SEMA3E: variants seen among roughly 807,000 people sequenced by gnomAD.
SEMA3E encodes semaphorin 3E.
In SEMA3E, 49 loss-of-function variants were observed where a neutral mutation model predicts 93.6. The observed-to-expected ratio is 0.52, with a 90% CI of 0.42 to 0.66. SEMA3E has a LOEUF of 0.66. SEMA3E is among the 30% of genes least tolerant of loss of function. The probability of loss-of-function intolerance (pLI) is 0.00; values close to 1 mark genes in which losing one functional copy is unlikely to be tolerated. For synonymous variants in SEMA3E, 363 were observed against 330.7 expected (o/e 1.10, Z -1.06); for missense variants, 906 against 964.8 (o/e 0.94, Z 0.81).
chr7:83,487,581 G>C (rs529158077), intron 2 of SEMA3E, among the ~76,000 whole-genome samples: 1 of 151,574 alleles, frequency 6.6e-6, no homozygotes, highest in Non-Finnish European at 1.5e-5. Context: ...AGAGAGAGAA[G>C]AAAAAGAAAG....
intron 3 of SEMA3E, among the ~76,000 whole-genome samples, chr7:83,468,842 AC>A (rs1171054370): frequency 5.3e-5 from 8 of 152,194 alleles, no homozygotes; most frequent in African/African-American, 1.9e-4. Context: ...CCTCTCTCAA[AC>A]TTTTTGTTTC....
chr7:83,617,704 T>G (rs1020567755), intron 1 of SEMA3E, among the ~76,000 whole-genome samples: 2 of 149,722 alleles, frequency 1.3e-5, no homozygotes, highest in Non-Finnish European at 3.0e-5. Flanking sequence ...GAGGAAATTG[T>G]AAATCACTGT....
intron 1 of SEMA3E, among the ~76,000 whole-genome samples, chr7:83,645,887 T>C (rs1794073458): frequency 6.6e-6 from 1 of 151,984 alleles, no homozygotes; most frequent in Admixed American, 6.6e-5. Flanking sequence ...TCTGAACATA[T>C]TTTTATATAA....
intron 2 of SEMA3E, among the ~76,000 whole-genome samples, chr7:83,470,683 A>G (rs1404059337): frequency 6.6e-6 from 1 of 152,044 alleles, no homozygotes; most frequent in Non-Finnish European, 1.5e-5. Flanking sequence ...AGTGTATACT[A>G]TTGCTTTTTG....
chr7:83,400,236 T>C lies in SEMA3E; in HGVS notation c.1158A>G (p.Val386=). 1 of 1,614,016 alleles carries C rather than the reference T, an allele frequency of 6.2e-7. No homozygotes were observed. The highest frequency in any genetic ancestry group is 1.1e-5 in the South Asian group (1 of 91,078). The change falls in exon 11 of 17, where the codon GTA becomes GTG. Residue 386 remains valine, a synonymous_variant. Transcript: ENST00000643230. ...TGGTGGTTCCGTATCTCCCTCCATT[T>C]ACTTTGCTGGCACACTGAAAAACAA... ...YPRPGSCASK[V]NGGRYGTTKD... is the part of the protein sequence containing the mutation.
chr7:83,600,889 T>C (rs965335105), intron 1 of SEMA3E, among the ~76,000 whole-genome samples: 6 of 152,160 alleles, frequency 3.9e-5, no homozygotes, highest in African/African-American at 1.4e-4. Context: ...CTCAAAGATG[T>C]CTACACCCCA....
At chr7:83,401,193 C>T (rs1584222405) in intron 10 of SEMA3E, among the ~76,000 whole-genome samples, 1 of 152,120 alleles carries the variant, frequency 6.6e-6, no homozygotes, top group Non-Finnish European at 1.5e-5. Context: ...GCTTAAGTTA[C>T]TCATTGGAAA....
Position 83,367,827 on chromosome 7 carries a change from CA to C in SEMA3E, c.2086del (p.Cys696ValfsTer21). ...CTGCGAGATGCTACTCTGAGCAGGA[CA>C]AGGCATCCTGTGATGCCTGTCCTCC... ...DEEDRHHRMPCPAQSSISQGA... is the reference protein window; with the variant it reads ...DEEDRHHRMPXPAQSSISQGA... On this transcript the variant is annotated frameshift_variant, in exon 17 of 17. Transcript: ENST00000643230. LOFTEE classifies it high-confidence loss of function. 2 of 1,614,006 alleles carry C rather than the reference CA, an allele frequency of 1.2e-6. No individual in the cohort carries two copies. Among genetic ancestry groups the C allele is most frequent in the Non-Finnish European group, 1.7e-6 (2 of 1,179,928 alleles).
intron 4 of SEMA3E, among the ~76,000 whole-genome samples, chr7:83,422,046 G>A (rs144660052): frequency 0.015 from 2,274 of 152,146 alleles, 63 homozygotes; most frequent in African/African-American, 0.052. Context: ...GCATTGTGGC[G>A]CATGCCTGTA....
chr7:83,371,282 AAAC>A (rs1376403545), intron 16 of SEMA3E, among the ~76,000 whole-genome samples: 3 of 152,196 alleles, frequency 2.0e-5, no homozygotes, highest in Non-Finnish European at 4.4e-5. Flanking sequence ...AATGAAAATG[AAAC>A]AACATCCCCA....
At chr7:83,382,728 C>G (rs1426897048) in intron 16 of SEMA3E, among the ~76,000 whole-genome samples, 1 of 151,504 alleles carries the variant, frequency 6.6e-6, no homozygotes, top group Non-Finnish European at 1.5e-5. Flanking sequence ...CATGAAGTAT[C>G]TAGCAAAGTT....
intron 12 of SEMA3E, 33 bp downstream of exon 12, chr7:83,396,605 A>G (rs1309967154): frequency 7.5e-7 from 1 of 1,339,112 alleles, no homozygotes; most frequent in African/African-American, 1.4e-5. Context: ...GTTGTAATGC[A>G]TAAATTTGGT....
chr7:83,629,199 C>T (rs141922582), intron 1 of SEMA3E, among the ~76,000 whole-genome samples: 1,540 of 152,282 alleles, frequency 0.01, 25 homozygotes, highest in African/African-American at 0.035. Context: ...GAGAGGGGCA[C>T]CTGCCAGTTG....
intron 1 of SEMA3E, among the ~76,000 whole-genome samples, chr7:83,493,733 T>C (rs1486604467): frequency 6.6e-6 from 1 of 151,918 alleles, no homozygotes; most frequent in Non-Finnish European, 1.5e-5. Flanking sequence ...TTTAAAATCA[T>C]AGCACTAACT....
Position 83,403,267 on chromosome 7 carries a change from CTT to C in SEMA3E, c.999-493_999-492del, listed in dbSNP as rs150002271. On this transcript the variant is annotated intron_variant, in intron 9 of 16. Transcript: ENST00000643230. ...TATGACTTAAAGAAAAATTTAAAGT[CTT>C]ATGAAAATTTAGGCTTTTTTCCATT... Among the ~76,000 whole-genome samples the C allele has an allele frequency of 4.2e-3, 634 of 151,978 alleles. 7 individuals are homozygous for C. The highest frequency in any genetic ancestry group is 0.014 in the African/African-American group (593 of 41,502).
chr7:83,557,388 C>A (rs1791919782), intron 1 of SEMA3E, among the ~76,000 whole-genome samples: 1 of 151,386 alleles, frequency 6.6e-6, no homozygotes, highest in Non-Finnish European at 1.5e-5. Flanking sequence ...ATAATTCAAA[C>A]TAATTAACAA....
rs890524551 is a variant in SEMA3E at position 83,382,516 on chromosome 7, T to C, written c.1875+2778A>G. Among the ~76,000 whole-genome samples the C allele has an allele frequency of 2.6e-5, 4 of 152,120 alleles. No homozygotes were observed. In the East Asian group the frequency reaches 7.7e-4, roughly 29 times the overall value. ...GATCTAGGAATAACCTGGTACCTAC[T>C]CAGTTCCTGTTTGCAATAGGTACAT... On this transcript the variant is annotated intron_variant, in intron 16 of 16. Transcript: ENST00000643230.
chr7:83,510,785 C>T (rs932162938), intron 1 of SEMA3E, among the ~76,000 whole-genome samples: 3 of 152,124 alleles, frequency 2.0e-5, no homozygotes, highest in African/African-American at 4.8e-5. Flanking sequence ...TGTGGTTTCT[C>T]CTAAATATTT....
chr7:83,455,758 G>A (rs1584259808), intron 4 of SEMA3E, among the ~76,000 whole-genome samples: 1 of 152,254 alleles, frequency 6.6e-6, no homozygotes, highest in Non-Finnish European at 1.5e-5. Flanking sequence ...ATGCAGCCAT[G>A]TTATGACAGG....
Sources: allele counts gnomAD v4.1 joint callset (sites outside exome capture counted in the v4.1 genomes callset), GRCh38; gene constraint gnomAD v4.1.1; transcripts MANE v1.5; gene names NCBI Gene and HGNC (gene_info 2026-07-23, HGNC 2026-07-21).